Variants in VIL1 observed in about 807,000 individuals in gnomAD.
VIL1 encodes the protein villin 1.
In VIL1, 86 loss-of-function variants were observed where a neutral mutation model predicts 104.0. That is an observed-to-expected ratio of 0.83 (90% CI 0.69 to 0.99). The LOEUF is 0.99. Among genes scored for constraint, VIL1 ranks in the 50% least tolerant of loss-of-function variants. The pLI is 0.00. For synonymous variants in VIL1, 394 were observed against 412.6 expected, an observed-to-expected ratio of 0.95 and a Z score of 0.55; for missense variants, 944 against 1,054.1, an observed-to-expected ratio of 0.90 and a Z score of 1.45.
At chr2:218,436,733 C>T (rs1426506184) in intron 16 of VIL1, 107 bp downstream of exon 16, 36 of 1,381,674 alleles carry the variant, frequency 2.6e-5, no homozygotes, top group Non-Finnish European at 3.4e-5. Flanking sequence ...TTGGCCCTTA[C>T]ATAATTTCTC....
In VIL1 at chr2:218,432,145, A is replaced by G. The variant is rs1294222790; in HGVS notation, c.1303A>G (p.Ile435Val). ...DCYLLLYTYLIGEKQHYLLYV... is the reference protein window; with the variant it reads ...DCYLLLYTYLVGEKQHYLLYV... Reference sequence around the variant, plus strand: ...CTACCTGCTGCTCTACACCTACCTCATCGGCGAGAAGCAGCATTACCTGCT... The same window carrying G: ...CTACCTGCTGCTCTACACCTACCTCGTCGGCGAGAAGCAGCATTACCTGCT... Residue 435 changes from isoleucine to valine, a missense_variant, in exon 12 of 20, where the codon ATC becomes GTC. Transcript: ENST00000248444. The G allele has an allele frequency of 3.7e-6, 6 of 1,613,852 alleles. No individual in the cohort carries two copies. Among genetic ancestry groups the G allele is most frequent in the Non-Finnish European group, 5.1e-6 (6 of 1,179,990 alleles).
chr2:218,435,196 C>A, intron 14 of VIL1, 93 bp from the exon 15 acceptor site: 2 of 1,536,868 alleles, frequency 1.3e-6, no homozygotes, highest in East Asian at 2.3e-5. Flanking sequence ...CCCAGGAGAG[C>A]CCTCTTTGAC....
At position 218,449,225 on chromosome 2, in the gene VIL1, ACAC is replaced by A. The variant is rs1226627019; in HGVS notation, c.2375_2377del (p.His792del). ...CTCTGGTCCCTCTCTTCTTCTAGGA[ACAC>A]CTGTCCATTGAAGATTTCACTCAGG... On this transcript the variant is annotated inframe_deletion, in exon 20 of 20. Coordinates refer to ENST00000248444, the MANE Select transcript of VIL1 (RefSeq NM_007127.3). 6.2e-7 allele frequency: 1 copy of A among 1,612,968 alleles called. No homozygotes were observed. Among genetic ancestry groups the A allele is most frequent in the African/African-American group, 1.3e-5 (1 of 74,862 alleles).
intron 19 of VIL1, among the ~76,000 whole-genome samples, chr2:218,447,492 A>AT (rs199740734): frequency 6.6e-6 from 1 of 150,792 alleles, no homozygotes; most frequent in African/African-American, 2.4e-5. Context: ...TAACTTTTGT[A>AT]TTTTTTTGGT....
intron 4 of VIL1, among the ~76,000 whole-genome samples, chr2:218,426,834 C>T (rs1031115206): frequency 1.3e-5 from 2 of 150,912 alleles, no homozygotes; most frequent in Non-Finnish European, 3.0e-5. Context: ...AATCTCCTGA[C>T]CTCATGATCT....
intron 14 of VIL1, among the ~76,000 whole-genome samples, chr2:218,434,924 G>A (rs150823606): frequency 1.1e-3 from 160 of 152,200 alleles, no homozygotes; most frequent in African/African-American, 3.5e-3. Context: ...CCTCTCTGTC[G>A]GAGTCAGTCT....
chr2:218,425,877 G>C (rs376315181), intron 4 of VIL1, 66 bp downstream of exon 4: 1 of 1,510,120 alleles, frequency 6.6e-7, no homozygotes, highest in East Asian at 2.3e-5. Flanking sequence ...TGTTGGGGCT[G>C]AGCTGAAGAG....
rs774304239 is a variant in VIL1 at position 218,438,723 on chromosome 2, T to C, written c.2226T>C (p.Thr742=). The C allele has an allele frequency of 5.0e-6, 8 of 1,611,348 alleles. No individual in the cohort carries two copies. In the South Asian group the frequency reaches 6.7e-5, roughly 13 times the overall value. Residue 742 remains threonine (T), a synonymous_variant, in exon 18 of 20, where the codon ACT becomes ACC. Transcript: ENST00000248444. The part of the protein sequence containing the change: ...LGNSRDWSQI[T]AEVTSPKVDV... ...ACTCTAGGGACTGGAGCCAGATCACTGCTGTGAGTCCGGGGCGGGGTGGCT... is the reference window on the plus strand; with the variant it reads ...ACTCTAGGGACTGGAGCCAGATCACCGCTGTGAGTCCGGGGCGGGGTGGCT...
intron 1 of VIL1, among the ~76,000 whole-genome samples, chr2:218,422,552 G>T (rs1456702747): frequency 6.6e-6 from 1 of 152,198 alleles, no homozygotes; most frequent in Non-Finnish European, 1.5e-5. Context: ...CAGAGACTGG[G>T]CAGGGCCTTA....
chr2:218,435,472 T>G (rs1559148794), intron 15 of VIL1, 38 bp downstream of exon 15: 4 of 1,602,992 alleles, frequency 2.5e-6, no homozygotes, highest in Non-Finnish European at 2.6e-6. Context: ...GTTACCAAGG[T>G]GGGGGAGCCG....
At chr2:218,434,925 GAGTC>G (rs1263862913) in intron 14 of VIL1, among the ~76,000 whole-genome samples, 2 of 152,156 alleles carry the variant, frequency 1.3e-5, no homozygotes, top group South Asian at 4.1e-4. Context: ...CTCTCTGTCG[GAGTC>G]AGTCTCTCTT....
intron 12 of VIL1, 128 bp downstream of exon 12, chr2:218,432,311 G>T (rs1393443146): frequency 1.4e-6 from 2 of 1,413,846 alleles, no homozygotes; most frequent in East Asian, 2.5e-5. Flanking sequence ...CTTCAAGAAG[G>T]ACTGCTTTGG....
At chr2:218,448,526 T>G (rs1689406115) in intron 19 of VIL1, among the ~76,000 whole-genome samples, 1 of 151,306 alleles carries the variant, frequency 6.6e-6, no homozygotes, top group Non-Finnish European at 1.5e-5. Context: ...CGTGCGCCAC[T>G]GCTCTCCAGC....
intron 1 of VIL1, among the ~76,000 whole-genome samples, chr2:218,420,253 A>G (rs922781157): frequency 1.3e-5 from 2 of 152,060 alleles, no homozygotes; most frequent in African/African-American, 4.8e-5. Context: ...AACATAGTGA[A>G]ACCCCGTTTC....
intron 4 of VIL1, among the ~76,000 whole-genome samples, chr2:218,427,585 C>T (rs1211259008): frequency 6.6e-6 from 1 of 152,190 alleles, no homozygotes; most frequent in Non-Finnish European, 1.5e-5. Context: ...CTCGGCCTCC[C>T]AAAGTGCTGG....
chr2:218,429,316 A>G lies in VIL1; in HGVS notation c.599A>G (p.Gln200Arg). ...ACTCTGGCCAAGGAGATCCGAGACC[A>G]GGAGCGGGGAGGGCGCACCTATGTA... is the stretch of plus-strand genomic sequence containing the variant. ...GMTLAKEIRD[Q>R]ERGGRTYVGV... is the part of the protein sequence containing the mutation. The change falls in exon 7 of 20, where the codon CAG (glutamine) becomes CGG (arginine). Residue 200 changes from glutamine to arginine, a missense_variant. Gln to Arg is a conservative substitution (Grantham distance 43). Transcript: ENST00000248444. The G allele has an allele frequency of 6.2e-7, 1 of 1,613,996 alleles. No homozygotes were observed. Among genetic ancestry groups the G allele is most frequent in the Non-Finnish European group, 8.5e-7 (1 of 1,179,940 alleles).
rs148077715 is a variant in VIL1, at chr2:218,439,388, T to C, written c.2229+662T>C. Reference sequence around the variant, plus strand: ...GGAATCTGCATCTTTTAAATCTTATTTTAAAAAGGTAATTTCATGTAGTTA... The same window carrying C: ...GGAATCTGCATCTTTTAAATCTTATCTTAAAAAGGTAATTTCATGTAGTTA... On this transcript the variant is annotated intron_variant, in intron 18 of 19. Coordinates refer to ENST00000248444, the MANE Select transcript of VIL1 (RefSeq NM_007127.3). 4.6e-3 allele frequency among the ~76,000 whole-genome samples: 695 copies of C among 152,300 alleles called. 5 individuals carry two copies. The highest frequency in any genetic ancestry group is 0.016 in the African/African-American group (659 of 41,562).
intron 19 of VIL1, among the ~76,000 whole-genome samples, chr2:218,446,577 A>G (rs1214608868): frequency 6.6e-6 from 1 of 151,998 alleles, no homozygotes; most frequent in Admixed American, 6.6e-5. Flanking sequence ...GTAAGCCAAG[A>G]GTGATGAAGC....
At position 218,444,346 on chromosome 2, in the gene VIL1, C is replaced by G. The variant is rs1205468758; in HGVS notation, c.2370+3484C>G. On this transcript the variant is annotated intron_variant, in intron 19 of 19. Coordinates refer to ENST00000248444, the MANE Select transcript of VIL1 (RefSeq NM_007127.3). ...CCAAGCTGGAGTGCAGTGGCACGAT[C>G]TCGGTTCACTGCAAGCTCTGCCTCC... Among the ~76,000 whole-genome samples the G allele has an allele frequency of 2.0e-5, 3 of 151,878 alleles. No individual in the cohort carries two copies. In the East Asian group the frequency reaches 5.8e-4, roughly 29 times the overall value.
Sources: gnomAD v4.1 joint callset for allele counts (sites outside exome capture counted in the v4.1 genomes callset) on GRCh38, gnomAD v4.1.1 for gene constraint, MANE v1.5 for transcripts, NCBI Gene and HGNC (gene_info 2026-07-23, HGNC 2026-07-21) for gene names.